MED12L: variants seen among roughly 807,000 people sequenced by gnomAD.
The protein encoded by MED12L is mediator of RNA polymerase II transcription subunit 12-like protein.
Under a neutral mutation model 281.3 loss-of-function variants are expected in MED12L, and 60 were observed. The observed-to-expected ratio is 0.21, with a 90% confidence interval of 0.17 to 0.26. MED12L has a LOEUF of 0.26. Among genes scored for constraint, MED12L ranks in the 10% least tolerant of loss-of-function variants. MED12L has a pLI of 1.00. For missense variants in MED12L, 2,146 were observed against 2,680.9 expected (o/e 0.80, Z 4.41); for synonymous variants, 974 against 987.2 (o/e 0.99, Z 0.25).
intron 14 of MED12L, 44 bp from the exon 15 acceptor site, chr3:151,192,506 C>G: frequency 7.4e-7 from 1 of 1,358,664 alleles, no homozygotes; most frequent in Non-Finnish European, 1.0e-6. Flanking sequence ...TCTTGATGAA[C>G]TCCAAAACTT....
At chr3:151,199,334 G>C (rs1402399133) in intron 16 of MED12L, 1 of 1,613,076 alleles carries the variant, frequency 6.2e-7, no homozygotes, top group South Asian at 1.1e-5. Flanking sequence ...AAAAAAATAC[G>C]TGAATGGCTC....
At chr3:151,147,101 A>T (rs1245064859) in intron 5 of MED12L, among the ~76,000 whole-genome samples, 1 of 152,230 alleles carries the variant, frequency 6.6e-6, no homozygotes, top group Non-Finnish European at 1.5e-5. Flanking sequence ...GACATCAAAC[A>T]TGTACAAATA....
intron 43 of MED12L, among the ~76,000 whole-genome samples, chr3:151,420,096 A>T (rs922047058): frequency 6.6e-6 from 1 of 152,052 alleles, no homozygotes; most frequent in Admixed American, 6.6e-5. Flanking sequence ...AGGGGTCTGG[A>T]TCATTTGTAG....
chr3:151,086,916 C>T lies in MED12L; in HGVS notation c.-11C>T. The T allele has an allele frequency of 6.3e-7, 1 of 1,578,576 alleles. No homozygotes were observed. Among genetic ancestry groups the T allele is most frequent in the Non-Finnish European group, 8.6e-7 (1 of 1,162,708 alleles). ...AACTCTCATTCATTTCGCCGGTTAA[C>T]ATGAGAGATCATGGCCGCCTTCGGG... On this transcript the variant is annotated 5_prime_UTR_variant, in exon 2 of 45. Coordinates refer to ENST00000687756, the MANE Select transcript of MED12L (RefSeq NM_001393769.1).
At chr3:151,166,834 C>G (rs899367988) in intron 11 of MED12L, among the ~76,000 whole-genome samples, 1 of 152,200 alleles carries the variant, frequency 6.6e-6, no homozygotes, top group African/African-American at 2.4e-5. Context: ...CACCACTATG[C>G]TCAGCTAATT....
rs1711989766 is a variant in MED12L, at chr3:151,380,112, G to A, written c.4479-1G>A. ...TGTTGTTATTATTACTTCCTTTGTAGTATGTCTCTTTTGAGTCAACAACCC... is the reference window on the plus strand; with the variant it reads ...TGTTGTTATTATTACTTCCTTTGTAATATGTCTCTTTTGAGTCAACAACCC... On this transcript the variant is annotated splice_acceptor_variant, in intron 31 of 44. Transcript: ENST00000687756. LOFTEE classifies it high-confidence loss of function. The A allele has an allele frequency of 1.3e-6, 2 of 1,561,314 alleles. No individual in the cohort carries two copies.
chr3:151,122,839 G>A lies in MED12L; in HGVS notation c.261G>A (p.Gln87=), dbSNP rs143849331. The part of the protein sequence containing the change: ...LAEKLKLNTF[Q]DTGKKKPQVN... ...AGAAACTGAAGCTTAACACTTTCCAGGACACGGGAAAGAAGAAACCACAAG... is the reference window on the plus strand; with the variant it reads ...AGAAACTGAAGCTTAACACTTTCCAAGACACGGGAAAGAAGAAACCACAAG... The change falls in exon 4 of 45, where the codon CAG becomes CAA. Residue 87 remains glutamine (Q), a synonymous_variant. Transcript: ENST00000687756. 3.2e-5 allele frequency: 51 copies of A among 1,611,848 alleles called. No individual in the cohort carries two copies. The African/African-American group carries it at 5.6e-4, about 18-fold the overall frequency.
Position 151,436,650 on chromosome 3 carries a change from T to A in MED12L, c.*3846T>A. The A allele has an allele frequency of 6.9e-7, 1 of 1,442,140 alleles. No individual in the cohort carries two copies. The highest frequency in any genetic ancestry group is 9.4e-7 in the Non-Finnish European group (1 of 1,062,264). 89.3% of individuals were successfully genotyped at this position (1,442,140 alleles called of 1,614,324 possible). On this transcript the variant is annotated 3_prime_UTR_variant, in exon 45 of 45. Transcript: ENST00000687756. ...CTTTGATTAAACTTCTTCCAAAAAA[T>A]AAATTCTGCCCAGATGTTGTTGACT...
At chr3:151,264,443 AC>A (rs1559956863) in intron 16 of MED12L, among the ~76,000 whole-genome samples, 1 of 152,156 alleles carries the variant, frequency 6.6e-6, no homozygotes, top group Non-Finnish European at 1.5e-5. Context: ...TTTATTGAAA[AC>A]GCCTTATGGC....
chr3:151,121,692 A>C (rs561515860), intron 3 of MED12L, among the ~76,000 whole-genome samples: 1 of 152,044 alleles, frequency 6.6e-6, no homozygotes, highest in Non-Finnish European at 1.5e-5. Flanking sequence ...CAGATTTTCT[A>C]TAGATTCACT....
chr3:151,262,083 C>T (rs1020931598), intron 16 of MED12L, among the ~76,000 whole-genome samples: 1 of 152,092 alleles, frequency 6.6e-6, no homozygotes, highest in South Asian at 2.1e-4. Context: ...GTTAAAACTA[C>T]TATTTTTTAA....
At chr3:151,118,894 C>T (rs1713296883) in intron 3 of MED12L, among the ~76,000 whole-genome samples, 1 of 152,114 alleles carries the variant, frequency 6.6e-6, no homozygotes, top group Non-Finnish European at 1.5e-5. Flanking sequence ...ACCATGTTGG[C>T]CAGGATGGTC....
chr3:151,090,244 A>C (rs983287825), intron 2 of MED12L, among the ~76,000 whole-genome samples: 8 of 152,072 alleles, frequency 5.3e-5, no homozygotes, highest in African/African-American at 1.7e-4. Flanking sequence ...GAGAGTGATA[A>C]TACTACTTAA....
intron 38 of MED12L, among the ~76,000 whole-genome samples, 178 bp downstream of exon 38, chr3:151,390,313 G>A (rs912742741): frequency 1.1e-4 from 17 of 152,158 alleles, no homozygotes; most frequent in African/African-American, 3.4e-4. Context: ...GTTAAATTAC[G>A]AGTTTATGTA....
intron 18 of MED12L, among the ~76,000 whole-genome samples, 190 bp from the exon 19 acceptor site, chr3:151,355,706 T>A (rs1230146053): frequency 1.3e-5 from 2 of 152,248 alleles, no homozygotes; most frequent in African/African-American, 4.8e-5. Context: ...TTGTATTTTT[T>A]AAAATTGTAG....
At chr3:151,254,393 A>G (rs1210676816) in intron 16 of MED12L, among the ~76,000 whole-genome samples, 1 of 152,172 alleles carries the variant, frequency 6.6e-6, no homozygotes, top group Non-Finnish European at 1.5e-5. Flanking sequence ...GCAACTCCCT[A>G]ATTTCATCTA....
intron 16 of MED12L, chr3:151,198,905 G>A (rs1725089481): frequency 6.2e-7 from 1 of 1,613,926 alleles, no homozygotes; most frequent in Non-Finnish European, 8.5e-7. Flanking sequence ...ACCCACATTT[G>A]ACTTTTCCTT....
In MED12L at chr3:151,371,619, C is replaced by T. The variant is rs1231860736; in HGVS notation, c.3665-948C>T. ...CTTGTGGGTTTTAAAAGGCTTTTTC[C>T]ATTAACTTGGGCATTGTTTTGCCCA... On this transcript the variant is annotated intron_variant, in intron 26 of 44. Coordinates refer to ENST00000687756, the MANE Select transcript of MED12L (RefSeq NM_001393769.1). Among the ~76,000 whole-genome samples the T allele has an allele frequency of 2.0e-5, 3 of 152,140 alleles. No homozygotes were observed. The East Asian group carries it at 5.8e-4, about 29-fold the overall frequency.
At chr3:151,207,831 G>A (rs746753315) in intron 16 of MED12L, among the ~76,000 whole-genome samples, 2 of 152,174 alleles carry the variant, frequency 1.3e-5, no homozygotes, top group Non-Finnish European at 2.9e-5. Context: ...GGGGTAGAGA[G>A]GGAGCAGAGG....
Sources: gnomAD v4.1 joint callset for allele counts (sites outside exome capture counted in the v4.1 genomes callset) on GRCh38, gnomAD v4.1.1 for gene constraint, MANE v1.5 for transcripts, NCBI Gene and HGNC (gene_info 2026-07-23, HGNC 2026-07-21) for gene names.